The following ZNF718 variants were observed in gnomAD, a reference collection of about 807,000 sequenced individuals.
The protein encoded by ZNF718 is zinc finger protein 718.
A neutral mutation model predicts 2.6 loss-of-function variants in ZNF718; 3 were observed. That is an observed-to-expected ratio of 1.16 (90% CI 0.53 to 3.01). The LOEUF (loss-of-function observed/expected upper bound fraction) is 3.01. ZNF718 is among the 30% of genes most tolerant of loss of function. ZNF718 has a pLI of 0.03. For synonymous variants in ZNF718, 135 were observed against 77.9 expected (o/e 1.73, Z -3.86); for missense variants, 468 against 230.0 (o/e 2.03, Z -6.69).
Position 144,589 on chromosome 4 carries a change from A to G in ZNF718, c.226+13084A>G, listed in dbSNP as rs140014604. On this transcript the variant is annotated intron_variant, in intron 3 of 3. Transcript: ENST00000510175. ...AGGAATTGCATTAAATCTGTAGATC[A>G]TTTTGGGTAGTATGAAAATTTTAAT... 6.6e-3 allele frequency among the ~76,000 whole-genome samples: 1,000 copies of G among 152,320 alleles called. 6 individuals are homozygous for G. The highest frequency in any genetic ancestry group is 0.01 in the Non-Finnish European group (682 of 68,030).
chr4:146,230 T>G (rs1553811290), intron 3 of ZNF718, among the ~76,000 whole-genome samples: 1 of 152,008 alleles, frequency 6.6e-6, no homozygotes, highest in Non-Finnish European at 1.5e-5. Context: ...TCCCTCAACT[T>G]ATTTTTTAAT....
intron 3 of ZNF718, among the ~76,000 whole-genome samples, chr4:140,197 G>A (rs1395521089): frequency 6.6e-6 from 1 of 152,056 alleles, no homozygotes; most frequent in African/African-American, 2.4e-5. Flanking sequence ...GCAGTTCATG[G>A]CTATTTTTAT....
chr4:143,023 T>C (rs1560113068), intron 3 of ZNF718, among the ~76,000 whole-genome samples: 1 of 152,188 alleles, frequency 6.6e-6, no homozygotes, highest in Non-Finnish European at 1.5e-5. Flanking sequence ...ATATGGTCTC[T>C]CTTCAACTAG....
At chr4:165,867 CT>C (rs34375451), downstream of ZNF718, among the ~76,000 whole-genome samples, 117,959 of 152,048 alleles carry the variant, frequency 0.78, 46,103 homozygotes, top group East Asian at 0.96. Flanking sequence ...TATTATTATA[CT>C]TTTAAGTTTT....
chr4:175,605 T>C (rs1379401428), intron 3 of ZNF718, among the ~76,000 whole-genome samples: 1 of 152,234 alleles, frequency 6.6e-6, no homozygotes, highest in Non-Finnish European at 1.5e-5. Context: ...GCTTGCTTTA[T>C]CTAATATCAA....
chr4:181,317 T>C (rs1343745409), intron 3 of ZNF718, among the ~76,000 whole-genome samples: 2 of 151,956 alleles, frequency 1.3e-5, no homozygotes, highest in African/African-American at 2.4e-5. Flanking sequence ...AAGTTTTTCT[T>C]ATTCTTGATT....
At chr4:151,739 C>T (rs1293035787) in intron 3 of ZNF718, among the ~76,000 whole-genome samples, 1 of 152,098 alleles carries the variant, frequency 6.6e-6, no homozygotes, top group Non-Finnish European at 1.5e-5. Flanking sequence ...CTCAACCAAC[C>T]AATGTAGGGG....
At chr4:191,819 G>C (rs1173246550) in intron 3 of ZNF718, among the ~76,000 whole-genome samples, 1 of 152,140 alleles carries the variant, frequency 6.6e-6, no homozygotes, top group East Asian at 1.9e-4. Flanking sequence ...CTGCTCCCAA[G>C]ATGGGGCGGG....
chr4:141,998 CT>C (rs1553810337), intron 3 of ZNF718: 1 of 519,460 alleles, frequency 1.9e-6, no homozygotes, highest in Non-Finnish European at 3.9e-6. Context: ...GGTAAAAAAG[CT>C]TTTTATGGTT....
rs146275943 is a variant in ZNF718 at position 155,045 on chromosome 4, C to A, written c.227-5867C>A. Among the ~76,000 whole-genome samples, 30 of 152,318 alleles carry A rather than the reference C, an allele frequency of 2.0e-4. No individual in the cohort carries two copies. In the East Asian group the frequency reaches 5.8e-3, roughly 29 times the overall value. On this transcript the variant is annotated intron_variant, in intron 3 of 3. Coordinates refer to ENST00000510175, the MANE Select transcript of ZNF718 (RefSeq NM_001039127.6). Reference sequence around the variant, plus strand: ...GCTTAGGCCTTGGCTTCAGAGGGTCCAAGCCCCAAGCCTTGGTAGGTTCCA... The same window carrying A: ...GCTTAGGCCTTGGCTTCAGAGGGTCAAAGCCCCAAGCCTTGGTAGGTTCCA...
At chr4:192,701 A>G (rs1208029257) in intron 3 of ZNF718, among the ~76,000 whole-genome samples, 1 of 152,204 alleles carries the variant, frequency 6.6e-6, no homozygotes, top group Non-Finnish European at 1.5e-5. Context: ...AGCAGGGGCT[A>G]GCAGGCCAGT....
At chr4:128,185 A>G (rs1231846844) in intron 1 of ZNF718, among the ~76,000 whole-genome samples, 1 of 104,122 alleles carries the variant, frequency 9.6e-6, no homozygotes, top group Non-Finnish European at 2.1e-5. Context: ...ACACTGGACC[A>G]GACTTTGGGT....
chr4:127,114 G>A lies in ZNF718; in HGVS notation c.3+2441G>A, dbSNP rs551673633. On this transcript the variant is annotated intron_variant, in intron 1 of 3. Transcript: ENST00000510175. Reference sequence around the variant, plus strand: ...GCTGGGATTATAGGCGTGAGCCACCGTGCCTGGCTGAAAATTTTTCTTTTA... The same window carrying A: ...GCTGGGATTATAGGCGTGAGCCACCATGCCTGGCTGAAAATTTTTCTTTTA... Among the ~76,000 whole-genome samples the A allele has an allele frequency of 4.1e-5, 5 of 122,410 alleles. 1 individual carries two copies. The highest frequency in any genetic ancestry group is 2.6e-4 in the South Asian group (1 of 3,912). 80.3% of individuals were successfully genotyped at this position (122,410 alleles called of 152,430 possible).
intron 3 of ZNF718, among the ~76,000 whole-genome samples, chr4:157,238 C>T (rs1487926427): frequency 1.3e-5 from 2 of 150,756 alleles, no homozygotes; most frequent in Non-Finnish European, 3.0e-5. Flanking sequence ...TCAGCCTCCT[C>T]AGTAGCTGGG....
At chr4:154,423 G>A (rs1235005953) in intron 3 of ZNF718, among the ~76,000 whole-genome samples, 5 of 152,114 alleles carry the variant, frequency 3.3e-5, no homozygotes, top group African/African-American at 1.2e-4. Flanking sequence ...GGAACTTCCT[G>A]GAGATGTGTT....
intron 3 of ZNF718, among the ~76,000 whole-genome samples, chr4:144,215 G>C (rs933994509): frequency 2.0e-5 from 3 of 152,188 alleles, no homozygotes; most frequent in Admixed American, 1.3e-4. Context: ...TTCATTTTTA[G>C]TAAATCCTTT....
intron 3 of ZNF718, among the ~76,000 whole-genome samples, chr4:193,123 G>C (rs979310754): frequency 6.6e-6 from 1 of 152,052 alleles, no homozygotes; most frequent in African/African-American, 2.4e-5. Context: ...TGAGTACTGG[G>C]GCTTGGTTTC....
chr4:148,349 CTG>C (rs1355373613), intron 3 of ZNF718, among the ~76,000 whole-genome samples: 1 of 152,016 alleles, frequency 6.6e-6, no homozygotes, highest in East Asian at 1.9e-4. Context: ...TGACTCACAT[CTG>C]TAATCCCTGC....
chr4:183,482 G>T (rs1717506505), intron 3 of ZNF718, among the ~76,000 whole-genome samples: 1 of 152,152 alleles, frequency 6.6e-6, no homozygotes, highest in Admixed American at 6.5e-5. Flanking sequence ...TGGCTATTTG[G>T]ACTCTTTTTT....
Sources: allele counts gnomAD v4.1 joint callset (sites outside exome capture counted in the v4.1 genomes callset), GRCh38; gene constraint gnomAD v4.1.1; transcripts MANE v1.5; gene names NCBI Gene and HGNC (gene_info 2026-07-23, HGNC 2026-07-21).